Variants in ELF1 observed in about 807,000 individuals in gnomAD.
ELF1 encodes the protein E74 like ETS transcription factor 1.
A neutral mutation model predicts 59.9 loss-of-function variants in ELF1; 24 were observed. The ratio of observed to expected loss-of-function variants is 0.40; its 90% CI spans 0.29 to 0.56. ELF1 has a LOEUF of 0.56. Ranked by LOEUF, ELF1 falls within the 20% of genes least tolerant of loss-of-function variation. The pLI is 0.44. For synonymous variants in ELF1, 248 were observed against 266.2 expected (o/e 0.93, Z 0.67); for missense variants, 627 against 742.2 (o/e 0.84, Z 1.80).
At chr13:40,994,263 G>A (rs1874021674) in intron 1 of ELF1, among the ~76,000 whole-genome samples, 1 of 152,164 alleles carries the variant, frequency 6.6e-6, no homozygotes. Context: ...CAAACAGACT[G>A]AATACCTAGA....
At chr13:40,948,823 G>A (rs1185839128) in intron 5 of ELF1, among the ~76,000 whole-genome samples, 1 of 152,126 alleles carries the variant, frequency 6.6e-6, no homozygotes, top group African/African-American at 2.4e-5. Flanking sequence ...GGAATCACCG[G>A]TACAGACTGG....
intron 3 of ELF1, among the ~76,000 whole-genome samples, chr13:40,952,831 C>A (rs1870941430): frequency 2.0e-5 from 3 of 147,828 alleles, no homozygotes; most frequent in Admixed American, 2.0e-4. Flanking sequence ...ATACCCCACT[C>A]ACTGCCCTCA....
At chr13:41,042,990 G>A (rs1175325546) in intron 1 of ELF1, among the ~76,000 whole-genome samples, 2 of 152,078 alleles carry the variant, frequency 1.3e-5, no homozygotes, top group Non-Finnish European at 2.9e-5. Context: ...TTTAATGATT[G>A]CCATTCTAAC....
At chr13:41,058,045 T>C (rs1877352200) in intron 1 of ELF1, among the ~76,000 whole-genome samples, 2 of 152,136 alleles carry the variant, frequency 1.3e-5, no homozygotes, top group African/African-American at 4.8e-5. Flanking sequence ...AAACATAAAA[T>C]GTACGGACAC....
chr13:41,032,704 G>A (rs1593404726), intron 1 of ELF1, among the ~76,000 whole-genome samples: 1 of 151,948 alleles, frequency 6.6e-6, no homozygotes, highest in Admixed American at 6.5e-5. Context: ...AAAACAATTA[G>A]CCTGGTATGG....
intron 1 of ELF1, among the ~76,000 whole-genome samples, chr13:41,018,615 A>AT (rs1875555133): frequency 1.3e-5 from 2 of 152,120 alleles, no homozygotes; most frequent in Admixed American, 1.3e-4. Context: ...TCTAATATTC[A>AT]TTTTTACTTA....
At chr13:41,058,760 G>A (rs567846692) in intron 1 of ELF1, among the ~76,000 whole-genome samples, 2 of 152,264 alleles carry the variant, frequency 1.3e-5, no homozygotes, top group South Asian at 2.1e-4. Flanking sequence ...ATCACCTGAG[G>A]TCAGGGGTTC....
chr13:41,020,268 T>C (rs994796050), upstream of ELF1, among the ~76,000 whole-genome samples: 3 of 152,242 alleles, frequency 2.0e-5, no homozygotes, highest in African/African-American at 7.2e-5. Flanking sequence ...TCTGGGTGAA[T>C]ACTTATTAAT....
At chr13:41,060,039 A>G (rs1340641493) in intron 1 of ELF1, among the ~76,000 whole-genome samples, 1 of 152,152 alleles carries the variant, frequency 6.6e-6, no homozygotes, top group Non-Finnish European at 1.5e-5. Flanking sequence ...CCTTTTTTCG[A>G]GGGTACTTTC....
chr13:40,997,231 C>A (rs1433978000), intron 1 of ELF1, among the ~76,000 whole-genome samples: 1 of 151,984 alleles, frequency 6.6e-6, no homozygotes, highest in Non-Finnish European at 1.5e-5. Context: ...TCACAGTCTA[C>A]CTCTTTTCTT....
At chr13:41,023,470 T>C (rs961585448), upstream of ELF1, among the ~76,000 whole-genome samples, 4 of 152,128 alleles carry the variant, frequency 2.6e-5, no homozygotes, top group Non-Finnish European at 4.4e-5. Flanking sequence ...AATAGAAAAA[T>C]AAAATTCAGA....
chr13:40,945,364 G>A (rs1870440467), intron 5 of ELF1, among the ~76,000 whole-genome samples: 1 of 151,986 alleles, frequency 6.6e-6, no homozygotes, highest in Non-Finnish European at 1.5e-5. Flanking sequence ...TTTTTGTTTG[G>A]CAGTGGTTTC....
At chr13:41,044,558 T>C (rs1876760233) in intron 1 of ELF1, among the ~76,000 whole-genome samples, 1 of 152,176 alleles carries the variant, frequency 6.6e-6, no homozygotes, top group South Asian at 2.1e-4. Flanking sequence ...AATCATGTGG[T>C]TTTTGTCTTT....
At chr13:40,980,517 C>A (rs1358502389) in intron 2 of ELF1, among the ~76,000 whole-genome samples, 1 of 152,060 alleles carries the variant, frequency 6.6e-6, no homozygotes, top group East Asian at 1.9e-4. Context: ...TTGCAAAACT[C>A]TTTTTAGGCT....
chr13:40,968,387 C>T (rs1872316626), intron 2 of ELF1, among the ~76,000 whole-genome samples: 1 of 152,160 alleles, frequency 6.6e-6, no homozygotes. Flanking sequence ...CCCCATGGCA[C>T]ATTTTTAATA....
rs1245768304 is a variant in ELF1 at position 40,933,489 on chromosome 13, G to T, written c.1796C>A (p.Ser599Tyr). ...AGCTACCTGAGAAGTAAATCCATTG[G>T]AACTGGACACTACCATCACATAAGG... ...PQPYVMVVSS[S>Y]NGFTSQVAMK... is the part of the protein sequence containing the mutation. The change falls in exon 9 of 9, where the codon TCC becomes TAC. Residue 599 changes from serine (S) to tyrosine (Y), a missense_variant. Ser to Tyr is a moderately radical substitution (Grantham distance 144). Around this residue, in one of 3 missense-constraint regions of ELF1, gnomAD observed 361 missense variants for 396.1 expected, o/e 0.91. Transcript: ENST00000239882. 1.2e-6 allele frequency: 2 copies of T among 1,614,094 alleles called. No homozygotes were observed. Among genetic ancestry groups the T allele is most frequent in the Non-Finnish European group, 1.7e-6 (2 of 1,180,040 alleles).
intron 1 of ELF1, chr13:40,982,835 A>T (rs995044819): frequency 2.0e-6 from 2 of 982,692 alleles, no homozygotes; most frequent in African/African-American, 3.5e-5. Flanking sequence ...GGCTTCTGAT[A>T]AGTAAAATGT....
In ELF1 at chr13:40,940,927, C is replaced by A. The variant is rs1045885325; in HGVS notation, c.1250G>T (p.Ser417Ile). ...AGTAGTTTGGTTTTCTCACCTAATA[C>A]TCTGAACGGAAGAATTTAATGTTTC... ...QDETLNSSVQ[S>I]IRTIQAPTQV... The change falls in exon 8 of 9, where the codon AGT becomes ATT. Residue 417 changes from serine (S) to isoleucine (I), a missense_variant. Coordinates refer to ENST00000239882, the MANE Select transcript of ELF1 (RefSeq NM_172373.4). The A allele has an allele frequency of 1.2e-6, 2 of 1,611,486 alleles. No individual in the cohort carries two copies. The highest frequency in any genetic ancestry group is 3.3e-5 in the Admixed American group (2 of 59,824).
intron 5 of ELF1, among the ~76,000 whole-genome samples, chr13:40,947,749 C>T (rs1263611550): frequency 6.6e-6 from 1 of 152,134 alleles, no homozygotes; most frequent in Non-Finnish European, 1.5e-5. Context: ...AAGCTGAACT[C>T]ACATTTTGGT....
Sources: gnomAD v4.1 joint callset for allele counts (sites outside exome capture counted in the v4.1 genomes callset) on GRCh38, gnomAD v4.1.1 for gene constraint, gnomAD v4.1.1 regional missense constraint, MANE v1.5 for transcripts, NCBI Gene and HGNC (gene_info 2026-07-23, HGNC 2026-07-21) for gene names.